SARNP: variants seen among roughly 807,000 people sequenced by gnomAD.
SARNP encodes the protein SAP domain-containing ribonucleoprotein.
In SARNP, 5 loss-of-function variants were observed where a neutral mutation model predicts 38.1. The observed-to-expected ratio is 0.13, with a 90% CI of 0.07 to 0.28. SARNP has a LOEUF of 0.28. Among genes scored for constraint, SARNP ranks in the 10% least tolerant of loss-of-function variants. SARNP has a pLI of 1.00. For synonymous variants in SARNP, 84 were observed against 80.6 expected, an observed-to-expected ratio of 1.04 and a Z score of -0.23; for missense variants, 180 against 243.9, an observed-to-expected ratio of 0.74 and a Z score of 1.75.
At chr12:55,774,891 T>G (rs1212328982) in intron 9 of SARNP, among the ~76,000 whole-genome samples, 10 of 147,758 alleles carry the variant, frequency 6.8e-5, no homozygotes, top group South Asian at 2.2e-4. Flanking sequence ...TTGTTTTTTT[T>G]TTTTTTTTTT....
intron 9 of SARNP, among the ~76,000 whole-genome samples, chr12:55,766,296 T>C (rs1373785785): frequency 6.6e-6 from 1 of 152,100 alleles, no homozygotes; most frequent in Non-Finnish European, 1.5e-5. Flanking sequence ...TCCTATCAAA[T>C]CTATACTCCT....
intron 9 of SARNP, among the ~76,000 whole-genome samples, chr12:55,774,928 CCAGACTGGAGCA>C (rs1211961062): frequency 1.4e-5 from 2 of 147,024 alleles, no homozygotes; most frequent in Non-Finnish European, 3.0e-5. Context: ...GCTCTGTCGC[CCAGACTGGAGCA>C]CAGTGGCGCA....
At chr12:55,800,417 G>A in intron 4 of SARNP, 145 bp downstream of exon 4, 1 of 572,654 alleles carries the variant, frequency 1.7e-6, no homozygotes, top group Non-Finnish European at 3.0e-6. Context: ...CTTTGAAGTA[G>A]TCCCTTCTAA....
At chr12:55,789,492 T>A (rs773021547) in intron 8 of SARNP, among the ~76,000 whole-genome samples, 1 of 152,226 alleles carries the variant, frequency 6.6e-6, no homozygotes, top group Non-Finnish European at 1.5e-5. Context: ...TTAATTCTCA[T>A]GTGGTCTCTG....
At chr12:55,772,295 T>C (rs533437656) in intron 9 of SARNP, among the ~76,000 whole-genome samples, 13 of 152,286 alleles carry the variant, frequency 8.5e-5, no homozygotes, top group African/African-American at 3.1e-4. Context: ...CAGTATCAAC[T>C]TTCTAGGGCT....
At chr12:55,800,365 A>G (rs970737335) in intron 4 of SARNP, among the ~76,000 whole-genome samples, 197 bp downstream of exon 4, 2 of 152,194 alleles carry the variant, frequency 1.3e-5, no homozygotes, top group African/African-American at 4.8e-5. Context: ...TACCTATTAC[A>G]TAACTCAGAG....
At chr12:55,808,316 C>A (rs1455740075) in intron 1 of SARNP, among the ~76,000 whole-genome samples, 1 of 151,564 alleles carries the variant, frequency 6.6e-6, no homozygotes, top group Non-Finnish European at 1.5e-5. Flanking sequence ...AGACCCTGTT[C>A]CTACAATTTT....
chr12:55,769,480 CAA>C (rs1306920194), intron 9 of SARNP, among the ~76,000 whole-genome samples: 3 of 152,320 alleles, frequency 2.0e-5, no homozygotes, highest in South Asian at 2.1e-4. Context: ...CCCCCAGATC[CAA>C]AAGAGTTATG....
chr12:55,759,535 A>G (rs1375506119), intron 10 of SARNP, among the ~76,000 whole-genome samples: 2 of 151,182 alleles, frequency 1.3e-5, no homozygotes, highest in African/African-American at 2.4e-5. Flanking sequence ...CTCGGTCTCC[A>G]GAGTAGCTGG....
intron 10 of SARNP, among the ~76,000 whole-genome samples, chr12:55,759,577 A>G (rs944288270): frequency 2.0e-5 from 3 of 152,098 alleles, no homozygotes; most frequent in South Asian, 2.1e-4. Context: ...CACCTGGCTA[A>G]TTTTTTTAAA....
At chr12:55,790,722 T>C (rs991493147) in intron 7 of SARNP, 130 bp from the exon 8 acceptor site, 4 of 911,998 alleles carry the variant, frequency 4.4e-6, no homozygotes, top group Non-Finnish European at 6.2e-6. Context: ...AAATTGCATG[T>C]AGCGATCATG....
intron 2 of SARNP, among the ~76,000 whole-genome samples, chr12:55,801,853 A>G (rs1312083178): frequency 6.6e-6 from 1 of 152,126 alleles, no homozygotes; most frequent in East Asian, 1.9e-4. Flanking sequence ...CCGGGCCTCA[A>G]GAGATCATAC....
intron 1 of SARNP, among the ~76,000 whole-genome samples, chr12:55,813,289 AT>A (rs1196093485): frequency 6.6e-6 from 1 of 152,164 alleles, no homozygotes; most frequent in African/African-American, 2.4e-5. Flanking sequence ...ATGAAATTAT[AT>A]AAAAAGTGGC....
chr12:55,796,146 G>T, intron 4 of SARNP, 70 bp from the exon 5 acceptor site: 1 of 1,095,858 alleles, frequency 9.1e-7, no homozygotes, highest in East Asian at 2.4e-5. Context: ...AAATGTGTAA[G>T]AATTCACCTG....
At chr12:55,757,243 C>T (rs1878534500), downstream of SARNP, 1 of 304,596 alleles carries the variant, frequency 3.3e-6, no homozygotes, top group Non-Finnish European at 6.1e-6. Flanking sequence ...TCCAATAAAT[C>T]AAAGGAGCAC....
chr12:55,809,249 T>C (rs370846296), intron 1 of SARNP, among the ~76,000 whole-genome samples: 1 of 149,724 alleles, frequency 6.7e-6, no homozygotes, highest in Non-Finnish European at 1.5e-5. Flanking sequence ...GAATGAATTG[T>C]ATGGTACGTG....
intron 9 of SARNP, among the ~76,000 whole-genome samples, chr12:55,788,228 C>T (rs1325770124): frequency 6.6e-6 from 1 of 152,118 alleles, no homozygotes; most frequent in Non-Finnish European, 1.5e-5. Context: ...GCAACTATGC[C>T]CTGGGGAACC....
intron 9 of SARNP, among the ~76,000 whole-genome samples, chr12:55,778,149 AATT>A (rs1393902800): frequency 6.6e-6 from 1 of 151,562 alleles, no homozygotes; most frequent in Non-Finnish European, 1.5e-5. Context: ...TCTTTTTTTT[AATT>A]ATTATTATTT....
chr12:55,763,637 A>G (rs1158027727), intron 9 of SARNP, among the ~76,000 whole-genome samples: 2 of 152,032 alleles, frequency 1.3e-5, no homozygotes, highest in Non-Finnish European at 2.9e-5. Context: ...ATTTTTGCAG[A>G]GAGGGGGATC....
Sources: gnomAD v4.1 joint callset for allele counts (sites outside exome capture counted in the v4.1 genomes callset) on GRCh38, gnomAD v4.1.1 for gene constraint, MANE v1.5 for transcripts, NCBI Gene and HGNC (gene_info 2026-07-23, HGNC 2026-07-21) for gene names.